CCBE1: variants seen among roughly 807,000 people sequenced by gnomAD.
CCBE1 encodes collagen and calcium-binding EGF domain-containing protein 1.
In CCBE1, 37 loss-of-function variants were observed where a neutral mutation model predicts 50.0. The ratio of observed to expected loss-of-function variants is 0.74; its 90% CI spans 0.57 to 0.97. The LOEUF (loss-of-function observed/expected upper bound fraction) is 0.97, where lower values mean the gene tolerates loss of function less well. Among genes scored for constraint, CCBE1 ranks in the 50% least tolerant of loss-of-function variants. The pLI, the probability that CCBE1 is intolerant of heterozygous loss-of-function variation, is 0.00. For missense variants in CCBE1, 538 were observed against 523.8 expected (o/e 1.03, Z -0.26); for synonymous variants, 234 against 203.7 (o/e 1.15, Z -1.27).
intron 2 of CCBE1, among the ~76,000 whole-genome samples, chr18:59,650,369 T>C (rs565295868): frequency 5.3e-5 from 8 of 150,212 alleles, no homozygotes; most frequent in African/African-American, 1.7e-4. Context: ...ACCTCTAGAG[T>C]GACCCCCTTC....
chr18:59,474,801 T>G (rs1912229077), intron 3 of CCBE1, among the ~76,000 whole-genome samples: 1 of 152,224 alleles, frequency 6.6e-6, no homozygotes, highest in Non-Finnish European at 1.5e-5. Context: ...TCTAGTTTAT[T>G]TGTAGTGTTA....
At chr18:59,602,934 C>T (rs774588115) in intron 2 of CCBE1, among the ~76,000 whole-genome samples, 7 of 152,236 alleles carry the variant, frequency 4.6e-5, no homozygotes, top group Non-Finnish European at 8.8e-5. Context: ...CCTTGGATAA[C>T]TTGCTAAGCC....
chr18:59,537,486 C>G (rs997916453), intron 2 of CCBE1, among the ~76,000 whole-genome samples: 1 of 152,174 alleles, frequency 6.6e-6, no homozygotes, highest in Non-Finnish European at 1.5e-5. Context: ...AAGAGGAAAA[C>G]CCTTTCGCTT....
At chr18:59,499,764 CACA>C (rs1913528737) in intron 2 of CCBE1, among the ~76,000 whole-genome samples, 1 of 152,168 alleles carries the variant, frequency 6.6e-6, no homozygotes, top group South Asian at 2.1e-4. Context: ...CTTCTCTAGG[CACA>C]ACAATGGCCT....
chr18:59,609,824 T>A (rs1568232542), intron 2 of CCBE1, among the ~76,000 whole-genome samples: 1 of 152,242 alleles, frequency 6.6e-6, no homozygotes, highest in Admixed American at 6.5e-5. Context: ...CCCATACAAG[T>A]AATGACCCAG....
chr18:59,667,593 C>T (rs931242627), intron 2 of CCBE1, among the ~76,000 whole-genome samples: 4 of 152,130 alleles, frequency 2.6e-5, no homozygotes, highest in Admixed American at 1.3e-4. Context: ...CCTAGAAGCA[C>T]GCAGCCAATA....
At chr18:59,586,401 T>G (rs570923541) in intron 2 of CCBE1, among the ~76,000 whole-genome samples, 1 of 152,182 alleles carries the variant, frequency 6.6e-6, no homozygotes. Context: ...AAAAACATAA[T>G]GGTGAGTGGC....
chr18:59,465,072 C>A (rs1911677740), intron 5 of CCBE1: 1 of 152,266 alleles, frequency 6.6e-6, no homozygotes, highest in Admixed American at 6.5e-5. Context: ...CAGCCTCAGG[C>A]CCTCTAAGTG....
intron 2 of CCBE1, among the ~76,000 whole-genome samples, chr18:59,504,601 G>A (rs542366754): frequency 2.0e-5 from 3 of 152,228 alleles, no homozygotes; most frequent in East Asian, 1.9e-4. Context: ...GGCAGAGATC[G>A]GAGCAATGCA....
Position 59,687,009 on chromosome 18 carries a change from T to G in CCBE1, c.212+9620A>C, listed in dbSNP as rs771959995. Among the ~76,000 whole-genome samples, 101 of 152,212 alleles carry G rather than the reference T, an allele frequency of 6.6e-4. 1 individual carries two copies. The highest frequency in any genetic ancestry group is 2.0e-4 in the Admixed American group (3 of 15,274). On this transcript the variant is annotated intron_variant, in intron 2 of 10. Transcript: ENST00000439986. The stretch of plus-strand genomic sequence containing the variant: ...TGCTCTCATACAACCTGCAGTTGGT[T>G]CAACAAGTCTGTGGTCTAAGTGGGT...
At chr18:59,458,263 C>T (rs1217050690) in intron 5 of CCBE1, among the ~76,000 whole-genome samples, 1 of 152,186 alleles carries the variant, frequency 6.6e-6, no homozygotes, top group African/African-American at 2.4e-5. Flanking sequence ...TCCTCTTATC[C>T]ATCTATGGAG....
chr18:59,631,261 A>C (rs1038293291), intron 2 of CCBE1, among the ~76,000 whole-genome samples: 1 of 152,164 alleles, frequency 6.6e-6, no homozygotes, highest in African/African-American at 2.4e-5. Context: ...ACCAGAAAGT[A>C]ATTTCATAAG....
At chr18:59,594,558 T>C (rs1055092128) in intron 2 of CCBE1, among the ~76,000 whole-genome samples, 3 of 152,242 alleles carry the variant, frequency 2.0e-5, no homozygotes, top group Non-Finnish European at 4.4e-5. Context: ...TATGTTTTTC[T>C]ACAAAGTTAA....
At chr18:59,574,527 T>C (rs2052963377) in intron 2 of CCBE1, among the ~76,000 whole-genome samples, 1 of 152,166 alleles carries the variant, frequency 6.6e-6, no homozygotes, top group Admixed American at 6.5e-5. Flanking sequence ...TTCACAAACT[T>C]CCTCCCAAAA....
chr18:59,612,330 G>GAAAAA (rs5825351), intron 2 of CCBE1, among the ~76,000 whole-genome samples: 2 of 130,694 alleles, frequency 1.5e-5, no homozygotes, highest in East Asian at 2.2e-4. Context: ...AGAAAAAAAA[G>GAAAAA]AAAAAAAAAA....
intron 2 of CCBE1, among the ~76,000 whole-genome samples, chr18:59,485,870 G>C (rs962439616): frequency 1.3e-5 from 2 of 151,526 alleles, no homozygotes; most frequent in African/African-American, 4.9e-5. Context: ...CAAAGTGCTA[G>C]GATTACAGGC....
intron 5 of CCBE1, among the ~76,000 whole-genome samples, chr18:59,460,936 A>AACATAAATAAATAAAT (rs1911435671): frequency 7.1e-6 from 1 of 141,164 alleles, no homozygotes; most frequent in Non-Finnish European, 1.5e-5. Flanking sequence ...CTCTGTCTCA[A>AACATAAATAAATAAAT]AAATAAATAA....
At chr18:59,496,401 TA>T (rs1271212737) in intron 2 of CCBE1, among the ~76,000 whole-genome samples, 1 of 152,210 alleles carries the variant, frequency 6.6e-6, no homozygotes, top group Non-Finnish European at 1.5e-5. Context: ...ATATTATTTA[TA>T]AAAATAAGTG....
intron 2 of CCBE1, among the ~76,000 whole-genome samples, chr18:59,579,171 C>G (rs2053046823): frequency 6.6e-6 from 1 of 152,150 alleles, no homozygotes. Flanking sequence ...GGTGAGTTAT[C>G]TTTTTTGACA....
Sources: allele counts gnomAD v4.1 joint callset (sites outside exome capture counted in the v4.1 genomes callset), GRCh38; gene constraint gnomAD v4.1.1; transcripts MANE v1.5; gene names NCBI Gene and HGNC (gene_info 2026-07-23, HGNC 2026-07-21).